The following NSDHL variants were observed in gnomAD, a reference collection of about 807,000 sequenced individuals.
The protein encoded by NSDHL is sterol-4-alpha-carboxylate 3-dehydrogenase, decarboxylating.
NSDHL carries 1 observed loss-of-function variant against 23.0 expected under a neutral mutation model. That is an observed-to-expected ratio of 0.04 (90% CI 0.02 to 0.21). The LOEUF is 0.21. NSDHL is among the 10% of genes least tolerant of loss of function. The pLI is 1.00. For synonymous variants in NSDHL, 128 were observed against 121.1 expected (o/e 1.06, Z -0.37); for missense variants, 237 against 300.9 (o/e 0.79, Z 1.57).
intron 3 of NSDHL, among the ~76,000 whole-genome samples, chrX:152,853,251 C>T (rs960769407): frequency 9.1e-6 from 1 of 109,425 alleles, no homozygotes; most frequent in Non-Finnish European, 1.9e-5. Flanking sequence ...GGTTCCCTGA[C>T]GCAAGCCCCT....
At position 152,865,869 on chromosome X, in the gene NSDHL, C is replaced by T. The variant is rs782098656; in HGVS notation, c.594C>T (p.Ile198=). The T allele has an allele frequency of 1.6e-6, 2 of 1,212,287 alleles. No homozygotes were observed. Among genetic ancestry groups the T allele is most frequent in the African/African-American group, 3.4e-5 (2 of 58,038 alleles). The part of the protein sequence containing the change: ...DPEKNFLTTA[I]RPHGIFGPRD... ...AGAAGAATTTCTTAACCACAGCCATCCGCCCTCATGGCATTTTCGGCCCAA... is the reference window on the plus strand; with the variant it reads ...AGAAGAATTTCTTAACCACAGCCATTCGCCCTCATGGCATTTTCGGCCCAA... Residue 198 remains isoleucine, a synonymous_variant, in exon 6 of 8, where the codon ATC becomes ATT. Coordinates refer to ENST00000370274, the MANE Select transcript of NSDHL (RefSeq NM_015922.3).
chrX:152,839,913 C>A (rs1556844653), intron 1 of NSDHL, among the ~76,000 whole-genome samples: 1 of 112,578 alleles, frequency 8.9e-6, no homozygotes, highest in Non-Finnish European at 1.9e-5. Context: ...TGGTTCCATT[C>A]TCCCTGTCAC....
At chrX:152,848,276 T>G (rs1556845858) in intron 2 of NSDHL, among the ~76,000 whole-genome samples, 1 of 112,112 alleles carries the variant, frequency 8.9e-6, no homozygotes, top group Admixed American at 9.5e-5. Flanking sequence ...TAGTACATGT[T>G]CATTCTTGTC....
In NSDHL at chrX:152,850,370, G is replaced by A. The variant is rs1933337369; in HGVS notation, c.214G>A (p.Gly72Arg). Residue 72 changes from glycine to arginine, a missense_variant, in exon 3 of 8, where the codon GGG becomes AGG. Physicochemically the swap from Gly to Arg is moderately radical, Grantham distance 125 (BLOSUM62 -2). Coordinates refer to ENST00000370274, the MANE Select transcript of NSDHL (RefSeq NM_015922.3). ...TGTCAATGTATTTGATATCCAGCAA[G>A]GGTTTGATAATCCCCAGGTGCGGTT... ...YAVNVFDIQQGFDNPQVRFFL... is the reference protein window; with the variant it reads ...YAVNVFDIQQRFDNPQVRFFL... 2 of 1,210,700 alleles carry A rather than the reference G, an allele frequency of 1.7e-6. No homozygotes were observed. The highest frequency in any genetic ancestry group is 1.1e-6 in the Non-Finnish European group (1 of 894,499).
intron 1 of NSDHL, among the ~76,000 whole-genome samples, chrX:152,840,129 G>A (rs1433452596): frequency 8.9e-6 from 1 of 112,042 alleles, no homozygotes; most frequent in Non-Finnish European, 1.9e-5. Context: ...TGAAGTTCTC[G>A]TGCCATGGTT....
chrX:152,839,260 A>T (rs1216049946), intron 1 of NSDHL, among the ~76,000 whole-genome samples: 1 of 112,056 alleles, frequency 8.9e-6, no homozygotes, highest in South Asian at 3.7e-4. Flanking sequence ...CCAATTTGTC[A>T]GTCTGTGTCT....
At chrX:152,847,909 C>T (rs1556845815) in intron 2 of NSDHL, among the ~76,000 whole-genome samples, 1 of 107,892 alleles carries the variant, frequency 9.3e-6, no homozygotes, top group Non-Finnish European at 1.9e-5. Context: ...GTCGCCCAGG[C>T]TGGAGTGCAG....
intron 5 of NSDHL, 57 bp downstream of exon 5, chrX:152,862,781 A>G (rs1933548147): frequency 9.0e-6 from 10 of 1,108,100 alleles, no homozygotes; most frequent in Admixed American, 2.2e-5. Flanking sequence ...ATCCTAAGAA[A>G]AATGTTTATG....
chrX:152,842,603 G>A (rs782340190), intron 1 of NSDHL, among the ~76,000 whole-genome samples: 7 of 111,944 alleles, frequency 6.3e-5, no homozygotes, highest in South Asian at 7.5e-4. Flanking sequence ...CCGGGTTCAA[G>A]TGATTCTCCT....
chrX:152,849,796 A>G (rs1556846043), intron 2 of NSDHL, among the ~76,000 whole-genome samples: 3 of 112,872 alleles, frequency 2.7e-5, no homozygotes, highest in African/African-American at 9.7e-5. Flanking sequence ...AAGTATGGAG[A>G]CTGCTTTCTT....
chrX:152,863,908 A>ATT (rs782469554), intron 5 of NSDHL, among the ~76,000 whole-genome samples: 7 of 98,458 alleles, frequency 7.1e-5, no homozygotes, highest in African/African-American at 2.2e-4. Context: ...TGTTTGCCGT[A>ATT]TTTTTTTTTT....
intron 3 of NSDHL, among the ~76,000 whole-genome samples, chrX:152,854,066 G>C (rs782025822): frequency 5.3e-4 from 60 of 112,316 alleles, no homozygotes; most frequent in Non-Finnish European, 9.9e-4. Flanking sequence ...CCTCAAAGGA[G>C]ACGAGAATCC....
intron 5 of NSDHL, among the ~76,000 whole-genome samples, chrX:152,864,933 A>C (rs147088687): frequency 2.4e-3 from 270 of 111,868 alleles, no homozygotes; most frequent in African/African-American, 8.5e-3. Flanking sequence ...CCGAGGTGAC[A>C]TGACAGCAGG....
At chrX:152,855,146 C>G (rs782163630) in intron 3 of NSDHL, among the ~76,000 whole-genome samples, 33 of 109,203 alleles carry the variant, frequency 3.0e-4, no homozygotes, top group African/African-American at 9.4e-4. Context: ...AGGCGCCCAC[C>G]ACCACCCATG....
At chrX:152,859,812 C>A (rs1402792106) in intron 4 of NSDHL, among the ~76,000 whole-genome samples, 1 of 112,361 alleles carries the variant, frequency 8.9e-6, no homozygotes, top group African/African-American at 3.2e-5. Context: ...CATTGTTTTC[C>A]AGACCTTGCT....
At chrX:152,837,639 A>G (rs1428840997) in intron 1 of NSDHL, among the ~76,000 whole-genome samples, 3 of 112,307 alleles carry the variant, frequency 2.7e-5, no homozygotes, top group African/African-American at 9.7e-5. Context: ...CATCCCTAGG[A>G]TGAAGCCCAC....
rs782008348 is a variant in NSDHL at position 152,867,255 on chromosome X, C to T, written c.687-316C>T. Among the ~76,000 whole-genome samples, 16 of 112,197 alleles carry T rather than the reference C, an allele frequency of 1.4e-4. No homozygotes were observed. In the East Asian group the frequency reaches 2.3e-3, roughly 16 times the overall value. On this transcript the variant is annotated intron_variant, in intron 6 of 7. Coordinates refer to ENST00000370274, the MANE Select transcript of NSDHL (RefSeq NM_015922.3). ...GAGGACCAGAGCAAGGCGTTGGCCCCGTGTCTCCTGGGAAGGGGCTGAAAA... is the reference window on the plus strand; with the variant it reads ...GAGGACCAGAGCAAGGCGTTGGCCCTGTGTCTCCTGGGAAGGGGCTGAAAA...
intron 1 of NSDHL, among the ~76,000 whole-genome samples, chrX:152,838,756 G>A (rs1457783221): frequency 1.8e-5 from 2 of 112,015 alleles, no homozygotes; most frequent in Non-Finnish European, 3.8e-5. Context: ...ATGTGGTGCT[G>A]AGAAGAATGT....
Position 152,854,392 on chromosome X carries a change from T to TTTTTA in NSDHL, c.267+3994_267+3998dup, listed in dbSNP as rs781989247. Among the ~76,000 whole-genome samples the TTTTTA allele has an allele frequency of 2.1e-3, 230 of 110,837 alleles. 1 individual carries two copies. Among genetic ancestry groups the TTTTTA allele is most frequent in the Non-Finnish European group, 2.8e-3 (147 of 52,857 alleles). ...TGAAAGACATGGCAGGAGAGGACCT[T>TTTTTA]TTTTATTTTATTTTATTTTATTTTA... On this transcript the variant is annotated intron_variant, in intron 3 of 7. Coordinates refer to ENST00000370274, the MANE Select transcript of NSDHL (RefSeq NM_015922.3).
Sources: allele counts gnomAD v4.1 joint callset (sites outside exome capture counted in the v4.1 genomes callset), GRCh38; gene constraint gnomAD v4.1.1; transcripts MANE v1.5; gene names NCBI Gene and HGNC (gene_info 2026-07-23, HGNC 2026-07-21).